The following CLYBL variants were observed in gnomAD, a reference collection of about 807,000 sequenced individuals.
CLYBL encodes citramalyl-CoA lyase, also known as citramalyl-CoA lyase, mitochondrial.
In CLYBL, 31 loss-of-function variants were observed where a neutral mutation model predicts 38.9. The ratio of observed to expected loss-of-function variants is 0.80; its 90% CI spans 0.60 to 1.08. The LOEUF is 1.08. Among genes scored for constraint, CLYBL ranks in the 50% least tolerant of loss-of-function variants. CLYBL has a pLI of 0.00. For synonymous variants in CLYBL, 171 were observed against 158.6 expected (o/e 1.08, Z -0.59); for missense variants, 434 against 411.6 (o/e 1.05, Z -0.47).
intron 7 of CLYBL, among the ~76,000 whole-genome samples, chr13:99,886,947 T>C (rs1156436929): frequency 1.3e-5 from 2 of 152,296 alleles, no homozygotes; most frequent in East Asian, 3.9e-4. Context: ...GCTCGGTCCA[T>C]ACTTGATGGA....
At chr13:99,611,785 A>G (rs1206090957) in intron 1 of CLYBL, among the ~76,000 whole-genome samples, 1 of 152,206 alleles carries the variant, frequency 6.6e-6, no homozygotes, top group African/African-American at 2.4e-5. Context: ...TAATAGACAT[A>G]TTGCCATTCA....
chr13:99,639,064 G>GA (rs1444278229), intron 1 of CLYBL, among the ~76,000 whole-genome samples: 1 of 152,066 alleles, frequency 6.6e-6, no homozygotes, highest in Non-Finnish European at 1.5e-5. Flanking sequence ...ACTGCATTTT[G>GA]AAAAAAATCA....
intron 2 of CLYBL, among the ~76,000 whole-genome samples, chr13:99,791,405 G>T (rs1333190581): frequency 6.6e-6 from 1 of 152,076 alleles, no homozygotes; most frequent in African/African-American, 2.4e-5. Context: ...TTTAAAGAGG[G>T]TAAAGCTTAG....
At chr13:99,716,343 T>G (rs1352305785) in intron 1 of CLYBL, among the ~76,000 whole-genome samples, 2 of 150,364 alleles carry the variant, frequency 1.3e-5, no homozygotes, top group Non-Finnish European at 3.0e-5. Context: ...AATTCTGAAT[T>G]TTATAGAAAT....
At chr13:99,864,755 C>T in intron 4 of CLYBL, 63 bp from the exon 5 acceptor site, 11 of 1,111,880 alleles carry the variant, frequency 9.9e-6, no homozygotes, top group South Asian at 6.5e-5. Flanking sequence ...TGAAATGCAC[C>T]GTGCCTCTTC....
At chr13:99,688,926 C>T (rs2047858451) in intron 1 of CLYBL, among the ~76,000 whole-genome samples, 1 of 152,202 alleles carries the variant, frequency 6.6e-6, no homozygotes, top group Non-Finnish European at 1.5e-5. Context: ...TCAGCACCGT[C>T]ATTCATCCTG....
At chr13:99,802,370 T>C (rs2138947148) in intron 2 of CLYBL, among the ~76,000 whole-genome samples, 1 of 152,284 alleles carries the variant, frequency 6.6e-6, no homozygotes, top group South Asian at 2.1e-4. Context: ...AATTCCAAAC[T>C]CTTTTTTGGT....
At chr13:99,885,810 T>G (rs965476173) in intron 7 of CLYBL, among the ~76,000 whole-genome samples, 2 of 152,174 alleles carry the variant, frequency 1.3e-5, no homozygotes, top group African/African-American at 4.8e-5. Flanking sequence ...CATGAGAGTG[T>G]CTCCGGGAGC....
chr13:99,747,091 A>G (rs368875557), intron 1 of CLYBL, among the ~76,000 whole-genome samples: 4 of 152,268 alleles, frequency 2.6e-5, no homozygotes, highest in South Asian at 4.2e-4. Context: ...CTCTCACCAA[A>G]AGTAGAGCCA....
intron 1 of CLYBL, among the ~76,000 whole-genome samples, chr13:99,639,923 G>T (rs2047070731): frequency 6.6e-6 from 1 of 152,096 alleles, no homozygotes; most frequent in Non-Finnish European, 1.5e-5. Context: ...CATAGCCTGA[G>T]TACATGATTT....
At chr13:99,618,088 A>G (rs1199948908) in intron 1 of CLYBL, among the ~76,000 whole-genome samples, 1 of 152,176 alleles carries the variant, frequency 6.6e-6, no homozygotes, top group African/African-American at 2.4e-5. Flanking sequence ...TCATGAGAGC[A>G]GGGACTTGGT....
chr13:99,776,540 A>G (rs1277795820), intron 2 of CLYBL, among the ~76,000 whole-genome samples: 7 of 149,572 alleles, frequency 4.7e-5, no homozygotes, highest in Non-Finnish European at 1.0e-4. Context: ...ATCTCTATCT[A>G]GGACTTAATT....
intron 1 of CLYBL, among the ~76,000 whole-genome samples, chr13:99,656,588 A>G (rs1412864441): frequency 2.6e-5 from 4 of 152,206 alleles, no homozygotes; most frequent in Non-Finnish European, 5.9e-5. Flanking sequence ...CAATGTTTAC[A>G]TGGCAGTAAA....
chr13:99,632,463 C>T (rs1344865597), intron 1 of CLYBL, among the ~76,000 whole-genome samples: 6 of 152,250 alleles, frequency 3.9e-5, no homozygotes, highest in Admixed American at 6.5e-5. Context: ...CACTAGAGGC[C>T]GGGCATTGTG....
At chr13:99,824,263 C>CCCT (rs1594205227) in intron 2 of CLYBL, among the ~76,000 whole-genome samples, 1 of 125,598 alleles carries the variant, frequency 8.0e-6, no homozygotes, top group Admixed American at 9.3e-5. Context: ...AATAGCCCCC[C>CCCT]CCACCCACCC....
chr13:99,727,853 G>A (rs369617277), intron 1 of CLYBL, among the ~76,000 whole-genome samples: 3 of 152,066 alleles, frequency 2.0e-5, no homozygotes, highest in African/African-American at 4.8e-5. Flanking sequence ...CGAGGTGGGC[G>A]GATCACTTGA....
intron 1 of CLYBL, among the ~76,000 whole-genome samples, chr13:99,732,239 TG>T (rs1298284777): frequency 7.0e-6 from 1 of 143,668 alleles, no homozygotes; most frequent in African/African-American, 2.6e-5. Context: ...TGGAGTGCAG[TG>T]GCACAAACAC....
chr13:99,692,889 T>C (rs1460136247), intron 1 of CLYBL, among the ~76,000 whole-genome samples: 3 of 152,238 alleles, frequency 2.0e-5, no homozygotes, highest in African/African-American at 7.2e-5. Context: ...TTGTCCATGT[T>C]GTAGCATGCA....
At chr13:99,817,049 T>C (rs1384964520) in intron 2 of CLYBL, among the ~76,000 whole-genome samples, 2 of 152,208 alleles carry the variant, frequency 1.3e-5, no homozygotes, top group South Asian at 2.1e-4. Context: ...TTTCACTCCT[T>C]CTTTCTCAGC....
Sources: gnomAD v4.1 joint callset for allele counts (sites outside exome capture counted in the v4.1 genomes callset) on GRCh38, gnomAD v4.1.1 for gene constraint, MANE v1.5 for transcripts, NCBI Gene and HGNC (gene_info 2026-07-23, HGNC 2026-07-21) for gene names.